Variants in ST6GALNAC5 observed in about 807,000 individuals in gnomAD.
ST6GALNAC5 encodes alpha-N-acetylgalactosaminide alpha-2,6-sialyltransferase 5.
ST6GALNAC5 carries 27 observed loss-of-function variants against 33.6 expected under a neutral mutation model. That is an observed-to-expected ratio of 0.80 (90% confidence interval 0.59 to 1.11). The LOEUF is 1.11. Among genes scored for constraint, ST6GALNAC5 ranks in the 50% least tolerant of loss-of-function variants. ST6GALNAC5 has a pLI of 0.00. For missense variants in ST6GALNAC5, 428 were observed against 454.0 expected, an observed-to-expected ratio of 0.94 and a Z score of 0.52; for synonymous variants, 194 against 171.2, an observed-to-expected ratio of 1.13 and a Z score of -1.04.
Position 76,877,087 on chromosome 1 carries a change from C to T in ST6GALNAC5, c.261+8345C>T, listed in dbSNP as rs151015871. The stretch of plus-strand genomic sequence containing the variant: ...CAGAAAACACTCAGTTCATGATAGG[C>T]AATTCAGTTTGCATGGTGACTTGAT... On this transcript the variant is annotated intron_variant, in intron 2 of 4. Transcript: ENST00000477717. Among the ~76,000 whole-genome samples, 211 of 152,316 alleles carry T rather than the reference C, an allele frequency of 1.4e-3. 2 individuals are homozygous for T. In the South Asian group the frequency reaches 0.019, roughly 14 times the overall value.
rs145392017 is a variant in ST6GALNAC5, at chr1:77,024,916, T to C, written c.262-19288T>C. Among the ~76,000 whole-genome samples the C allele has an allele frequency of 9.8e-4, 149 of 152,304 alleles. 4 individuals carry two copies. The East Asian group carries it at 0.025, about 25-fold the overall frequency. On this transcript the variant is annotated intron_variant, in intron 2 of 4. Coordinates refer to ENST00000477717, the MANE Select transcript of ST6GALNAC5 (RefSeq NM_030965.3). ...TCCATCTGCTGTGACCCACCTTCCT[T>C]AGTCAGCCCCTCACCAGACAGGTCC...
At chr1:76,870,465 T>C (rs574745379) in intron 2 of ST6GALNAC5, among the ~76,000 whole-genome samples, 1 of 152,356 alleles carries the variant, frequency 6.6e-6, no homozygotes, top group South Asian at 2.1e-4. Context: ...CTTCCTGTGT[T>C]CTTCTGCTGG....
chr1:76,933,944 A>G (rs554868054), intron 2 of ST6GALNAC5, among the ~76,000 whole-genome samples: 107 of 152,068 alleles, frequency 7.0e-4, no homozygotes, highest in Middle Eastern at 3.4e-3. Context: ...TAATCAGTTG[A>G]TTACATACCA....
At chr1:76,974,360 C>G (rs1181296486) in intron 2 of ST6GALNAC5, among the ~76,000 whole-genome samples, 1 of 151,864 alleles carries the variant, frequency 6.6e-6, no homozygotes, top group Non-Finnish European at 1.5e-5. Flanking sequence ...CATGCATCAC[C>G]ACACTCAGTT....
rs570065458 is a variant in ST6GALNAC5 at position 76,868,587 on chromosome 1, C to A, written c.106C>A (p.Pro36Thr). ...YSSLGGQKER[P>T]PQQQQQQQQQ... ...CAGCCTCGGCGGCCAGAAGGAGCGG[C>A]CCCCGCAGCAGCAGCAGCAGCAGCA... Residue 36 changes from proline to threonine, a missense_variant, in exon 2 of 5, where the codon CCC (proline) becomes ACC (threonine). Pro to Thr is a conservative substitution (Grantham distance 38). Transcript: ENST00000477717. The surrounding 1 kb of genome is among the most constrained non-coding windows in gnomAD (Gnocchi z 4.3). 1.9e-6 allele frequency: 3 copies of A among 1,611,708 alleles called. No homozygotes were observed. In the South Asian group the frequency reaches 3.3e-5, roughly 18 times the overall value.
intron 2 of ST6GALNAC5, among the ~76,000 whole-genome samples, chr1:76,988,160 A>G (rs777389122): frequency 8.6e-5 from 13 of 152,034 alleles, no homozygotes; most frequent in Admixed American, 1.3e-4. Flanking sequence ...CTTTGATTCT[A>G]TTGCTGAGAC....
At chr1:77,049,052 A>G (rs1026714528) in intron 3 of ST6GALNAC5, among the ~76,000 whole-genome samples, 1 of 152,206 alleles carries the variant, frequency 6.6e-6, no homozygotes. Flanking sequence ...AGAAATAGAA[A>G]GTTGAAGCCA....
intron 2 of ST6GALNAC5, among the ~76,000 whole-genome samples, chr1:77,010,983 T>G (rs1395018835): frequency 6.6e-6 from 1 of 152,254 alleles, no homozygotes; most frequent in Admixed American, 6.5e-5. Context: ...CTTCATCCCC[T>G]GCCGTTTGGG....
At chr1:76,976,712 C>T (rs575066235) in intron 2 of ST6GALNAC5, among the ~76,000 whole-genome samples, 21 of 152,174 alleles carry the variant, frequency 1.4e-4, no homozygotes, top group Admixed American at 4.6e-4. Flanking sequence ...TAATGCTGTA[C>T]GATCTTTTAA....
intron 2 of ST6GALNAC5, among the ~76,000 whole-genome samples, chr1:77,036,611 G>A (rs1249071807): frequency 6.6e-6 from 1 of 152,218 alleles, no homozygotes; most frequent in African/African-American, 2.4e-5. Flanking sequence ...ATCAGGAACT[G>A]CTTACTGGAA....
At chr1:76,878,254 C>T (rs1363429479) in intron 2 of ST6GALNAC5, among the ~76,000 whole-genome samples, 3 of 152,192 alleles carry the variant, frequency 2.0e-5, no homozygotes, top group East Asian at 3.9e-4. Flanking sequence ...ATAGCCCTCA[C>T]CCTACCAGTC....
In ST6GALNAC5 at chr1:77,067,496, T is replaced by C. The variant is rs1003381423; in HGVS notation, c.*4290T>C. Among the ~76,000 whole-genome samples the C allele has an allele frequency of 1.3e-5, 2 of 152,224 alleles. No homozygotes were observed. The highest frequency in any genetic ancestry group is 6.5e-5 in the Admixed American group (1 of 15,286). On this transcript the variant is annotated 3_prime_UTR_variant, in exon 5 of 5. Transcript: ENST00000477717. ...GCAGCCTATACCTAGTATAGTGCCTTGCACACAATAGGTGCTCAATAAATG... is the reference window on the plus strand; with the variant it reads ...GCAGCCTATACCTAGTATAGTGCCTCGCACACAATAGGTGCTCAATAAATG...
chr1:76,983,770 T>C (rs1649361745), intron 2 of ST6GALNAC5, among the ~76,000 whole-genome samples: 1 of 152,142 alleles, frequency 6.6e-6, no homozygotes, highest in Admixed American at 6.6e-5. Context: ...AGTAAAGCAC[T>C]CCTCAGCAAA....
At chr1:76,979,155 A>T (rs1210172978) in intron 2 of ST6GALNAC5, among the ~76,000 whole-genome samples, 1 of 152,166 alleles carries the variant, frequency 6.6e-6, no homozygotes, top group Non-Finnish European at 1.5e-5. Flanking sequence ...ACATGTGATT[A>T]TGGATTGGAA....
At chr1:76,881,492 A>T (rs2100922978) in intron 2 of ST6GALNAC5, among the ~76,000 whole-genome samples, 2 of 152,148 alleles carry the variant, frequency 1.3e-5, no homozygotes, top group African/African-American at 4.8e-5. Flanking sequence ...TACTTATTCC[A>T]CTTTATTGTT....
At chr1:77,007,694 T>C (rs1650476286) in intron 2 of ST6GALNAC5, among the ~76,000 whole-genome samples, 1 of 152,250 alleles carries the variant, frequency 6.6e-6, no homozygotes, top group African/African-American at 2.4e-5. Context: ...AGAAGGCAGA[T>C]GCAAACCTGT....
chr1:76,981,679 C>T (rs1408274599), intron 2 of ST6GALNAC5, among the ~76,000 whole-genome samples: 3 of 152,192 alleles, frequency 2.0e-5, no homozygotes, highest in Admixed American at 6.5e-5. Context: ...GACAGACTGC[C>T]TCCTCAAGTG....
intron 2 of ST6GALNAC5, among the ~76,000 whole-genome samples, chr1:76,979,101 T>C (rs2100378222): frequency 6.6e-6 from 1 of 151,840 alleles, no homozygotes; most frequent in Admixed American, 6.6e-5. Context: ...CTATAAAACA[T>C]GGATGAAAGA....
chr1:76,980,270 C>T (rs901037656), intron 2 of ST6GALNAC5, among the ~76,000 whole-genome samples: 1 of 152,062 alleles, frequency 6.6e-6, no homozygotes. Context: ...TGTACCCTGT[C>T]TGAGCTAAGA....
Sources: allele counts gnomAD v4.1 joint callset (sites outside exome capture counted in the v4.1 genomes callset), GRCh38; gene constraint gnomAD v4.1.1; non-coding constraint Gnocchi (gnomAD v3.1); transcripts MANE v1.5; gene names NCBI Gene and HGNC (gene_info 2026-07-23, HGNC 2026-07-21).